The following SLC3A1 variants were observed in gnomAD, a reference collection of about 807,000 sequenced individuals.
The protein encoded by SLC3A1 is solute carrier family 3 member 1, also known as amino acid transporter heavy chain SLC3A1.
In SLC3A1, 78 loss-of-function variants were observed where a neutral mutation model predicts 60.3. The ratio of observed to expected loss-of-function variants is 1.29; its 90% CI spans 1.08 to 1.56. The LOEUF (loss-of-function observed/expected upper bound fraction) is 1.56. Ranked by LOEUF, SLC3A1 falls within the 40% of genes most tolerant of loss-of-function variation. The pLI is 0.00. For missense variants in SLC3A1, 1,172 were observed against 858.9 expected (o/e 1.36, Z -4.56); for synonymous variants, 392 against 307.9 (o/e 1.27, Z -2.86).
intron 3 of SLC3A1, 108 bp downstream of exon 3, chr2:44,281,649 C>A: frequency 2.0e-6 from 2 of 1,007,260 alleles, no homozygotes; most frequent in Non-Finnish European, 3.1e-6. Flanking sequence ...TATAGTTTAT[C>A]GGAAGGGGGC....
At chr2:44,303,154 T>C (rs1314029840) in intron 6 of SLC3A1, among the ~76,000 whole-genome samples, 5 of 150,754 alleles carry the variant, frequency 3.3e-5, no homozygotes, top group Non-Finnish European at 7.4e-5. Context: ...TAAGCCAAGA[T>C]CATGCCATTG....
At position 44,320,787 on chromosome 2, in the gene SLC3A1, T is replaced by A; in HGVS notation, c.*148T>A. ...AATGTAACTGCTTTAAGAAAGGTTC[T>A]CAAATGTTTTGAAAAAAATAAAATG... On this transcript the variant is annotated 3_prime_UTR_variant, in exon 10 of 10. Coordinates refer to ENST00000260649, the MANE Select transcript of SLC3A1 (RefSeq NM_000341.4). 1 of 704,254 alleles carries A rather than the reference T, an allele frequency of 1.4e-6. No individual in the cohort carries two copies. Among genetic ancestry groups the A allele is most frequent in the Non-Finnish European group, 2.4e-6 (1 of 410,136 alleles). 43.6% of individuals were successfully genotyped at this position (704,254 alleles called of 1,614,324 possible).
At chr2:44,298,301 G>C (rs1671907747) in intron 4 of SLC3A1, among the ~76,000 whole-genome samples, 1 of 152,108 alleles carries the variant, frequency 6.6e-6, no homozygotes, top group African/African-American at 2.4e-5. Context: ...AGCTGAGCAT[G>C]ATGAGTTAGT....
chr2:44,288,552 T>G (rs1188987689), intron 4 of SLC3A1, among the ~76,000 whole-genome samples: 1 of 152,206 alleles, frequency 6.6e-6, no homozygotes, highest in Non-Finnish European at 1.5e-5. Context: ...TGTATCTGTG[T>G]TTATTTGAGA....
At chr2:44,305,617 G>T (rs1008411691) in intron 7 of SLC3A1, among the ~76,000 whole-genome samples, 4 of 151,586 alleles carry the variant, frequency 2.6e-5, no homozygotes. Flanking sequence ...TAGTACAGAC[G>T]GGGTTTTACC....
At chr2:44,304,387 C>T in intron 7 of SLC3A1, 49 bp downstream of exon 7, 1 of 1,416,964 alleles carries the variant, frequency 7.1e-7, no homozygotes. Context: ...GTTGCCTTTG[C>T]TGTCCAGTTA....
chr2:44,290,919 C>T (rs187881473), intron 4 of SLC3A1, among the ~76,000 whole-genome samples: 1 of 152,246 alleles, frequency 6.6e-6, no homozygotes, highest in East Asian at 1.9e-4. Flanking sequence ...AACTCCTTAT[C>T]ACCCACGCCT....
In SLC3A1 at chr2:44,320,316, T is replaced by G. The variant is rs780425541; in HGVS notation, c.1735T>G (p.Tyr579Asp). The G allele has an allele frequency of 5.4e-5, 87 of 1,614,030 alleles. No homozygotes were observed. Among genetic ancestry groups the G allele is most frequent in the Non-Finnish European group, 7.0e-5 (83 of 1,179,988 alleles). Residue 579 changes from tyrosine to aspartate, a missense_variant, in exon 10 of 10, where the codon TAT becomes GAT. Coordinates refer to ENST00000260649, the MANE Select transcript of SLC3A1 (RefSeq NM_000341.4). ...TTGCCATTTGAGGAATGACAGCCAC[T>G]ATGTTGTGTACACAAGAGAGCTGGA... ...WFCHLRNDSH[Y>D]VVYTRELDGI...
chr2:44,311,109 C>G (rs530033029), intron 7 of SLC3A1, among the ~76,000 whole-genome samples: 2 of 152,230 alleles, frequency 1.3e-5, no homozygotes, highest in South Asian at 2.1e-4. Context: ...TCTTCTTTTT[C>G]TTTCTGGTTC....
Position 44,320,723 on chromosome 2 carries a change from G to C in SLC3A1, c.*84G>C. On this transcript the variant is annotated 3_prime_UTR_variant, in exon 10 of 10. Coordinates refer to ENST00000260649, the MANE Select transcript of SLC3A1 (RefSeq NM_000341.4). ...TAGCTTCATGTACAGCATGCTGCTT[G>C]GTGAACAATCATTAATTCTTCGATA... The C allele has an allele frequency of 3.9e-6, 4 of 1,036,104 alleles. No homozygotes were observed. Among genetic ancestry groups the C allele is most frequent in the Non-Finnish European group, 6.1e-6 (4 of 660,128 alleles). The allele number at this position is 1,036,104 out of a possible 1,614,324, so 64.2% of individuals were successfully genotyped here.
Position 44,275,885 on chromosome 2 carries a change from G to A in SLC3A1, c.350G>A (p.Trp117Ter). 6.2e-7 allele frequency: 1 copy of A among 1,613,994 alleles called. No homozygotes were observed. Among genetic ancestry groups the A allele is most frequent in the Non-Finnish European group, 8.5e-7 (1 of 1,179,988 alleles). ...GCCCTCTCTCCAAAGTGCCTAGACT[G>A]GTGGCAGGAGGGGCCCATGTACCAG... ...IIALSPKCLD[W>*]WQEGPMYQIY... The change falls in exon 1 of 10, where the codon TGG becomes TAG. Residue 117 changes from tryptophan (W) to a stop codon, truncating the protein, a stop_gained. Transcript: ENST00000260649. LOFTEE classifies it high-confidence loss of function.
chr2:44,281,826 TTCCATG>T lies in SLC3A1; in HGVS notation c.765+289_765+294del, dbSNP rs139898247. Reference sequence around the variant, plus strand: ...CACTTCCTACCCGGTCCAACTTGGATTCCATGTCCCATTAGTTTGATAACCATTTTT... The same window carrying T: ...CACTTCCTACCCGGTCCAACTTGGATTCCCATTAGTTTGATAACCATTTTT... On this transcript the variant is annotated intron_variant, in intron 3 of 9. Coordinates refer to ENST00000260649, the MANE Select transcript of SLC3A1 (RefSeq NM_000341.4). Among the ~76,000 whole-genome samples the T allele has an allele frequency of 6.2e-3, 942 of 152,276 alleles. 10 individuals carry two copies. The highest frequency in any genetic ancestry group is 0.021 in the African/African-American group (878 of 41,576).
intron 8 of SLC3A1, among the ~76,000 whole-genome samples, chr2:44,313,424 A>G (rs1475672957): frequency 6.6e-6 from 1 of 152,208 alleles, no homozygotes; most frequent in African/African-American, 2.4e-5. Flanking sequence ...CTCATGAGCA[A>G]TAATCAGGCT....
rs1010415332 is a variant in SLC3A1 at position 44,288,066 on chromosome 2, C to A, written c.891+1909C>A. On this transcript the variant is annotated intron_variant, in intron 4 of 9. Transcript: ENST00000260649. The stretch of plus-strand genomic sequence containing the variant: ...TTTTTTTGAGACAGTCTTGCTCTGT[C>A]GCCCAGGCTGGAGTGTAGTGGCATG... Among the ~76,000 whole-genome samples, 8 of 149,358 alleles carry A rather than the reference C, an allele frequency of 5.4e-5. No individual in the cohort carries two copies. In the East Asian group the frequency reaches 1.6e-3, roughly 29 times the overall value.
intron 4 of SLC3A1, among the ~76,000 whole-genome samples, chr2:44,286,734 G>C (rs1399135884): frequency 6.8e-6 from 1 of 146,712 alleles, no homozygotes; most frequent in East Asian, 2.1e-4. Flanking sequence ...GAGCTGTGCA[G>C]TGCCTGTGAC....
At chr2:44,302,376 C>A (rs1255135312) in intron 6 of SLC3A1, among the ~76,000 whole-genome samples, 1 of 152,192 alleles carries the variant, frequency 6.6e-6, no homozygotes, top group East Asian at 1.9e-4. Flanking sequence ...AATTACCCAT[C>A]ATTAAGTTTA....
chr2:44,321,583 G>A (rs1672951032), downstream of SLC3A1: 1 of 1,490,690 alleles, frequency 6.7e-7, no homozygotes. Flanking sequence ...ATTCGAGAGA[G>A]AGGCAGAAGG....
At chr2:44,297,836 G>A (rs912442889) in intron 4 of SLC3A1, among the ~76,000 whole-genome samples, 1 of 152,142 alleles carries the variant, frequency 6.6e-6, no homozygotes, top group African/African-American at 2.4e-5. Context: ...GGGCTCAAGC[G>A]ATCCTCCCAC....
In SLC3A1 at chr2:44,320,119, A is replaced by G. The variant is rs529390790; in HGVS notation, c.1618-80A>G. 1.0e-4 allele frequency: 134 copies of G among 1,279,740 alleles called. No individual in the cohort carries two copies. The South Asian group carries it at 1.3e-3, about 13-fold the overall frequency. The allele number at this position is 1,279,740 out of a possible 1,614,324, so 79.3% of individuals were successfully genotyped here. On this transcript the variant is annotated intron_variant, in intron 9 of 9. Coordinates refer to ENST00000260649, the MANE Select transcript of SLC3A1 (RefSeq NM_000341.4). ...TTGGAGCAAGTGTTTTGGGTAAATA[A>G]CTCCTTACAATATATTAAAAATACT...
Sources: allele counts gnomAD v4.1 joint callset (sites outside exome capture counted in the v4.1 genomes callset), GRCh38; gene constraint gnomAD v4.1.1; transcripts MANE v1.5; gene names NCBI Gene and HGNC (gene_info 2026-07-23, HGNC 2026-07-21).